POLK: variants seen among roughly 807,000 people sequenced by gnomAD.
The protein encoded by POLK is polymerase (DNA directed) kappa.
Under a neutral mutation model 94.0 loss-of-function variants are expected in POLK, and 76 were observed. The observed-to-expected ratio is 0.81, with a 90% CI of 0.67 to 0.98. The LOEUF (loss-of-function observed/expected upper bound fraction) is 0.98, where lower values mean the gene tolerates loss of function less well. Ranked by LOEUF, POLK falls within the 50% of genes least tolerant of loss-of-function variation. POLK has a pLI of 0.00. For synonymous variants in POLK, 349 were observed against 325.4 expected (o/e 1.07, Z -0.78); for missense variants, 954 against 1,010.1 (o/e 0.94, Z 0.75).
At chr5:75,548,739 T>G (rs1770184143) in intron 2 of POLK, among the ~76,000 whole-genome samples, 1 of 152,060 alleles carries the variant, frequency 6.6e-6, no homozygotes, top group African/African-American at 2.4e-5. Flanking sequence ...TATGTATGTG[T>G]GTGTGTATAC....
At chr5:75,607,800 G>A in the POLK span, among the ~76,000 whole-genome samples, 13 of 152,292 alleles carry the variant, frequency 8.5e-5, no homozygotes, top group East Asian at 1.7e-3. Flanking sequence ...AATCCTAGCT[G>A]ATAAAGGACA....
At chr5:75,528,425 A>G (rs1375036550) in intron 1 of POLK, among the ~76,000 whole-genome samples, 2 of 152,134 alleles carry the variant, frequency 1.3e-5, no homozygotes, top group East Asian at 3.8e-4. Context: ...TGATATATTT[A>G]TTATCTTTGT....
chr5:75,578,418 A>G (rs1772021485), intron 6 of POLK, among the ~76,000 whole-genome samples: 1 of 152,192 alleles, frequency 6.6e-6, no homozygotes, highest in South Asian at 2.1e-4. Context: ...CGGCCTTCCA[A>G]AGTGCTGGGA....
downstream of POLK, among the ~76,000 whole-genome samples, chr5:75,605,984 CCT>C (rs1448521295): frequency 1.5e-5 from 2 of 131,564 alleles, no homozygotes; most frequent in Non-Finnish European, 3.2e-5. Context: ...ATCCCGCCAG[CCT>C]CTGAGTTCCC....
At chr5:75,537,561 G>A (rs182221803) in intron 1 of POLK, among the ~76,000 whole-genome samples, 14 of 152,290 alleles carry the variant, frequency 9.2e-5, no homozygotes, top group Admixed American at 2.0e-4. Flanking sequence ...AGAGCAATGC[G>A]CATGAGCTGC....
At chr5:75,548,660 C>A (rs946816254) in intron 2 of POLK, among the ~76,000 whole-genome samples, 1 of 151,534 alleles carries the variant, frequency 6.6e-6, no homozygotes, top group South Asian at 2.1e-4. Flanking sequence ...TTAGGAAATG[C>A]GTGGTGATGT....
intron 1 of POLK, 103 bp from the exon 2 acceptor site, chr5:75,546,907 T>C: frequency 2.1e-6 from 1 of 485,848 alleles, no homozygotes; most frequent in Non-Finnish European, 3.7e-6. Flanking sequence ...GCTCAGTCAA[T>C]CTGCCCGCCT....
At chr5:75,523,851 T>G (rs1432189937) in intron 1 of POLK, among the ~76,000 whole-genome samples, 1 of 152,100 alleles carries the variant, frequency 6.6e-6, no homozygotes. Context: ...CATTGTAGGC[T>G]GGGCACCATG....
At chr5:75,511,775 T>C (rs1348142410) in exon 1 of POLK, 7 of 1,550,890 alleles carry the variant, frequency 4.5e-6, no homozygotes, top group Non-Finnish European at 2.6e-6. Context: ...CTCTCCCGGG[T>C]GACGACGGGT....
chr5:75,556,378 G>T (rs532078812), intron 3 of POLK, among the ~76,000 whole-genome samples: 82 of 152,244 alleles, frequency 5.4e-4, no homozygotes, highest in Non-Finnish European at 8.4e-4. Flanking sequence ...CTTATTTTTG[G>T]TTTTTAAGAG....
chr5:75,544,599 A>C, intron 1 of POLK, among the ~76,000 whole-genome samples: 1 of 152,148 alleles, frequency 6.6e-6, no homozygotes, highest in East Asian at 1.9e-4. Context: ...CCGAGATCAC[A>C]CCACTGCACT....
chr5:75,574,264 A>G (rs1465528961), intron 5 of POLK, among the ~76,000 whole-genome samples: 7 of 152,182 alleles, frequency 4.6e-5, no homozygotes, highest in Non-Finnish European at 7.3e-5. Context: ...CTGAATAATT[A>G]CTTATTAATG....
At chr5:75,584,598 G>A in intron 8 of POLK, among the ~76,000 whole-genome samples, 162 bp from the exon 9 acceptor site, 1 of 151,906 alleles carries the variant, frequency 6.6e-6, no homozygotes, top group Non-Finnish European at 1.5e-5. Context: ...AACAACCCAG[G>A]AGGTGGAGGT....
At chr5:75,526,474 GTT>G (rs1768847923) in intron 1 of POLK, among the ~76,000 whole-genome samples, 1 of 144,640 alleles carries the variant, frequency 6.9e-6, no homozygotes, top group Non-Finnish European at 1.5e-5. Context: ...CCTTTTGTTT[GTT>G]TTGTTTGTCT....
At chr5:75,542,738 C>T (rs1769811371) in intron 1 of POLK, among the ~76,000 whole-genome samples, 1 of 148,724 alleles carries the variant, frequency 6.7e-6, no homozygotes, top group African/African-American at 2.5e-5. Flanking sequence ...TACTCTGTCG[C>T]CCAGGCTGCA....
chr5:75,571,288 G>A (rs549990238), intron 4 of POLK, among the ~76,000 whole-genome samples: 88 of 152,240 alleles, frequency 5.8e-4, no homozygotes, highest in African/African-American at 2.0e-3. Context: ...GTGATTGTTT[G>A]ATTATTCCCA....
At chr5:75,515,904 A>G (rs745472260) in intron 1 of POLK, among the ~76,000 whole-genome samples, 17 of 152,210 alleles carry the variant, frequency 1.1e-4, no homozygotes, top group Non-Finnish European at 2.1e-4. Flanking sequence ...TATAATAAAA[A>G]AAATTTTTTT....
rs773892982 is a variant in POLK, at chr5:75,552,458, G to T, written c.136-14G>T. The stretch of plus-strand genomic sequence containing the variant: ...AGACATTTTTCTTATGCTTTGTTTT[G>T]TTTTCCTCCATAGGGGTCCAGATTT... On this transcript the variant is annotated splice_polypyrimidine_tract_variant and intron_variant, in intron 2 of 14. Transcript: ENST00000241436. 4.4e-6 allele frequency: 7 copies of T among 1,604,468 alleles called. No homozygotes were observed. The highest frequency in any genetic ancestry group is 5.9e-6 in the Non-Finnish European group (7 of 1,176,748).
intron 11 of POLK, among the ~76,000 whole-genome samples, chr5:75,592,701 C>CAA (rs753126425): frequency 1.7e-4 from 22 of 132,718 alleles, no homozygotes; most frequent in African/African-American, 6.2e-4. Flanking sequence ...TCTAAAACAA[C>CAA]AAAAAAAAAA....
Sources: gnomAD v4.1 joint callset for allele counts (sites outside exome capture counted in the v4.1 genomes callset) on GRCh38, gnomAD v4.1.1 for gene constraint, MANE v1.5 for transcripts, NCBI Gene and HGNC (gene_info 2026-07-23, HGNC 2026-07-21) for gene names.